The following SLC44A1 variants were observed in gnomAD, a reference collection of about 807,000 sequenced individuals.
The protein encoded by SLC44A1 is solute carrier family 44 member 1.
A neutral mutation model predicts 79.3 loss-of-function variants in SLC44A1; 26 were observed. The ratio of observed to expected loss-of-function variants is 0.33; its 90% CI spans 0.24 to 0.46. The LOEUF (loss-of-function observed/expected upper bound fraction) is 0.46, where lower values mean the gene tolerates loss of function less well. SLC44A1 is among the 20% of genes least tolerant of loss of function. The pLI is 1.00. For missense variants in SLC44A1, 688 were observed against 798.1 expected (o/e 0.86, Z 1.66); for synonymous variants, 263 against 286.2 (o/e 0.92, Z 0.82).
intron 1 of SLC44A1, among the ~76,000 whole-genome samples, chr9:105,260,641 A>G (rs1045182955): frequency 2.6e-5 from 4 of 152,194 alleles, no homozygotes; most frequent in Non-Finnish European, 2.9e-5. Context: ...TTCTCAGATT[A>G]GTGATTTGAG....
chr9:105,332,796 T>A (rs1454080368), intron 3 of SLC44A1, among the ~76,000 whole-genome samples: 2 of 152,210 alleles, frequency 1.3e-5, no homozygotes, highest in Non-Finnish European at 2.9e-5. Context: ...TGAGTTTAGT[T>A]CCTTACTATG....
At chr9:105,416,294 TAA>T (rs527373222) in intron 15 of SLC44A1, among the ~76,000 whole-genome samples, 29 of 136,842 alleles carry the variant, frequency 2.1e-4, no homozygotes, top group African/African-American at 2.9e-4. Flanking sequence ...CCAGGCAAGA[TAA>T]AAAAAAAAAA....
chr9:105,312,640 T>G (rs1831210419), intron 3 of SLC44A1, among the ~76,000 whole-genome samples: 1 of 152,234 alleles, frequency 6.6e-6, no homozygotes, highest in South Asian at 2.1e-4. Context: ...CCATTTATAT[T>G]CCCACCAACA....
At position 105,307,205 on chromosome 9, in the gene SLC44A1, A is replaced by G. The variant is rs574888973; in HGVS notation, c.127-2519A>G. ...TGTGAAATAGATGGTATTACTCTGT[A>G]TTAGAGATGAGGAGGGAACAGAGTC... On this transcript the variant is annotated intron_variant, in intron 2 of 15. Transcript: ENST00000374720. 3.9e-5 allele frequency among the ~76,000 whole-genome samples: 6 copies of G among 152,336 alleles called. No individual in the cohort carries two copies. In the East Asian group the frequency reaches 7.7e-4, roughly 20 times the overall value.
chr9:105,249,674 G>A (rs978407406), intron 1 of SLC44A1, among the ~76,000 whole-genome samples: 5 of 150,870 alleles, frequency 3.3e-5, no homozygotes, highest in African/African-American at 9.8e-5. Flanking sequence ...ACAGGTGCTC[G>A]CCACCACACC....
intron 1 of SLC44A1, among the ~76,000 whole-genome samples, chr9:105,298,123 T>C (rs1157577421): frequency 6.7e-6 from 1 of 148,298 alleles, no homozygotes; most frequent in Non-Finnish European, 1.5e-5. Flanking sequence ...AAAAAAAAAA[T>C]GCAGTTGGAA....
rs147203232 is a variant in SLC44A1 at position 105,438,130 on chromosome 9, C to CTGTGTGTGTGTGTGTGTGTG, written c.1951-147_1951-128dup. ...CAGATATCTTTTTAAATTTGTTAAT[C>CTGTGTGTGTGTGTGTGTGTG]TGTGTGTGTGTGTGTGTGTGTGTAG... On this transcript the variant is annotated intron_variant, in intron 15 of 15. Coordinates refer to the SLC44A1 transcript ENST00000374724. 1,993 of 496,050 alleles carry CTGTGTGTGTGTGTGTGTGTG rather than the reference C, an allele frequency of 4.0e-3. 26 individuals are homozygous for CTGTGTGTGTGTGTGTGTGTG. The highest frequency in any genetic ancestry group is 0.036 in the African/African-American group (1,828 of 50,232). 30.7% of individuals were successfully genotyped at this position (496,050 alleles called of 1,614,324 possible). A position where few individuals can be genotyped will look rare whatever the true frequency, so the allele number is the denominator to read the frequency against.
intron 15 of SLC44A1, among the ~76,000 whole-genome samples, chr9:105,405,985 G>C (rs936364821): frequency 6.6e-5 from 10 of 152,166 alleles, no homozygotes; most frequent in African/African-American, 2.4e-4. Context: ...GGAAGGACCT[G>C]AGAAGACCAC....
chr9:105,285,174 ATG>A (rs1298734572), intron 1 of SLC44A1, among the ~76,000 whole-genome samples: 5 of 152,176 alleles, frequency 3.3e-5, no homozygotes, highest in Admixed American at 3.3e-4. Flanking sequence ...TGGGCATTGT[ATG>A]TGATTTTTTT....
chr9:105,363,306 GCA>G (rs1554798988), intron 9 of SLC44A1, among the ~76,000 whole-genome samples: 2 of 152,102 alleles, frequency 1.3e-5, no homozygotes, highest in Admixed American at 6.5e-5. Flanking sequence ...GGGACTACAG[GCA>G]CATGCCACCA....
At chr9:105,296,873 G>A (rs16924417) in intron 1 of SLC44A1, among the ~76,000 whole-genome samples, 3,389 of 152,194 alleles carry the variant, frequency 0.022, 116 homozygotes, top group African/African-American at 0.076. Flanking sequence ...ACAAAAGTGC[G>A]TTCTTGATCA....
chr9:105,356,119 C>A, intron 5 of SLC44A1, 93 bp from the exon 6 acceptor site: 1 of 938,712 alleles, frequency 1.1e-6, no homozygotes, highest in Non-Finnish European at 1.7e-6. Context: ...GAGTGTATTG[C>A]AGCCATATTC....
rs1171976805 is a variant in SLC44A1, at chr9:105,397,233, G to A, written c.*8177G>A. 4 of 985,234 alleles carry A rather than the reference G, an allele frequency of 4.1e-6. No homozygotes were observed. Among genetic ancestry groups the A allele is most frequent in the East Asian group, 2.3e-4 (2 of 8,828 alleles). 61.0% of individuals were successfully genotyped at this position (985,234 alleles called of 1,614,324 possible). ...CTAGAAAGAAAAGTGCTGATCTAAT[G>A]CTAAGTTTTCTCTGTGTACTGACTC... On this transcript the variant is annotated 3_prime_UTR_variant, in exon 16 of 16. Transcript: ENST00000374720.
At chr9:105,387,618 T>C (rs1475756583) in intron 15 of SLC44A1, among the ~76,000 whole-genome samples, 1 of 152,208 alleles carries the variant, frequency 6.6e-6, no homozygotes, top group Non-Finnish European at 1.5e-5. Flanking sequence ...TCTTAAAATA[T>C]AAACCAAGCT....
chr9:105,288,480 C>G (rs1481356725), intron 1 of SLC44A1, among the ~76,000 whole-genome samples: 1 of 152,144 alleles, frequency 6.6e-6, no homozygotes, highest in Non-Finnish European at 1.5e-5. Context: ...TCCCAAGTAG[C>G]TAGGACCACA....
chr9:105,323,822 G>A (rs1826477151), intron 3 of SLC44A1, among the ~76,000 whole-genome samples: 2 of 152,142 alleles, frequency 1.3e-5, no homozygotes, highest in Admixed American at 1.3e-4. Flanking sequence ...CTTGGTCTTT[G>A]TCATCACCCT....
chr9:105,361,603 A>T (rs1827782432), intron 8 of SLC44A1, among the ~76,000 whole-genome samples: 1 of 152,238 alleles, frequency 6.6e-6, no homozygotes, highest in Non-Finnish European at 1.5e-5. Flanking sequence ...TTACAAGAAC[A>T]TATTTCTTAT....
intron 3 of SLC44A1, among the ~76,000 whole-genome samples, chr9:105,315,606 G>A (rs1831301793): frequency 6.6e-6 from 1 of 152,024 alleles, no homozygotes; most frequent in Non-Finnish European, 1.5e-5. Flanking sequence ...CAAACTTTCT[G>A]GGCCTATACT....
At chr9:105,358,849 G>C (rs1291280797) in intron 7 of SLC44A1, among the ~76,000 whole-genome samples, 1 of 151,952 alleles carries the variant, frequency 6.6e-6, no homozygotes, top group Non-Finnish European at 1.5e-5. Flanking sequence ...CTTCACCCTT[G>C]TTTTGATGGT....
Sources: allele counts gnomAD v4.1 joint callset (sites outside exome capture counted in the v4.1 genomes callset), GRCh38; gene constraint gnomAD v4.1.1; transcripts MANE v1.5; gene names NCBI Gene and HGNC (gene_info 2026-07-23, HGNC 2026-07-21).